Variants in NEGR1 observed in about 807,000 individuals in gnomAD.
NEGR1 encodes the protein IgLON family member 4.
A neutral mutation model predicts 40.9 loss-of-function variants in NEGR1; 10 were observed. The observed-to-expected ratio is 0.24, with a 90% CI of 0.15 to 0.42. The LOEUF (loss-of-function observed/expected upper bound fraction) is 0.42. NEGR1 is among the 10% of genes least tolerant of loss of function. The pLI, the probability that NEGR1 is intolerant of heterozygous loss-of-function variation, is 1.00. For missense variants in NEGR1, 352 were observed against 438.9 expected (o/e 0.80, Z 1.77); for synonymous variants, 185 against 166.8 (o/e 1.11, Z -0.84).
chr1:71,896,610 C>A (rs915268493), intron 2 of NEGR1, among the ~76,000 whole-genome samples: 3 of 152,084 alleles, frequency 2.0e-5, no homozygotes, highest in Non-Finnish European at 2.9e-5. Flanking sequence ...ATCTAAAAAA[C>A]CATTGCCTAA....
chr1:71,554,670 T>C (rs1648197012), intron 6 of NEGR1, among the ~76,000 whole-genome samples: 1 of 151,538 alleles, frequency 6.6e-6, no homozygotes, highest in Non-Finnish European at 1.5e-5. Context: ...CTCTCCTCTT[T>C]TTTCCTGGTG....
chr1:72,061,634 C>G (rs1647175142), intron 1 of NEGR1, among the ~76,000 whole-genome samples: 1 of 151,738 alleles, frequency 6.6e-6, no homozygotes, highest in Admixed American at 6.6e-5. Context: ...CACCAAACAA[C>G]ATGTAGCTGG....
At chr1:71,464,467 A>G (rs943133532) in intron 6 of NEGR1, among the ~76,000 whole-genome samples, 2 of 152,138 alleles carry the variant, frequency 1.3e-5, no homozygotes, top group Non-Finnish European at 2.9e-5. Flanking sequence ...TAATCTAATT[A>G]TAGCTTTATC....
At chr1:72,187,505 T>C (rs1275664058) in intron 1 of NEGR1, among the ~76,000 whole-genome samples, 1 of 151,492 alleles carries the variant, frequency 6.6e-6, no homozygotes, top group African/African-American at 2.4e-5. Flanking sequence ...AACTAATCTA[T>C]TTTGCTGTTT....
At chr1:72,022,327 C>T (rs1321674354) in intron 1 of NEGR1, among the ~76,000 whole-genome samples, 9 of 132,640 alleles carry the variant, frequency 6.8e-5, no homozygotes, top group Non-Finnish European at 1.4e-4. Flanking sequence ...GCAAACAATC[C>T]AGAAGTTTAT....
chr1:72,205,298 C>G (rs1308373403), intron 1 of NEGR1, among the ~76,000 whole-genome samples: 3 of 151,816 alleles, frequency 2.0e-5, no homozygotes, highest in African/African-American at 7.3e-5. Flanking sequence ...ATGGCCACTA[C>G]TTGAAGCTTA....
At chr1:71,656,206 TGG>T (rs1338373648) in intron 4 of NEGR1, among the ~76,000 whole-genome samples, 1 of 152,112 alleles carries the variant, frequency 6.6e-6, no homozygotes, top group African/African-American at 2.4e-5. Flanking sequence ...GACATAAAAA[TGG>T]GGTCATTATC....
chr1:72,220,801 A>G lies in NEGR1; in HGVS notation c.176+61518T>C, dbSNP rs535883774. ...GTAAAATACTCTGAGCACTGAAAGA[A>G]CACACTAAAACTAAAGAATAAGCTT... On this transcript the variant is annotated intron_variant, in intron 1 of 6. Transcript: ENST00000357731. 2.3e-4 allele frequency among the ~76,000 whole-genome samples: 35 copies of G among 152,248 alleles called. No individual in the cohort carries two copies. In the South Asian group the frequency reaches 6.8e-3, roughly 30 times the overall value.
At chr1:71,804,435 T>A (rs1657677823) in intron 2 of NEGR1, among the ~76,000 whole-genome samples, 1 of 150,466 alleles carries the variant, frequency 6.6e-6, no homozygotes, top group South Asian at 2.1e-4. Flanking sequence ...CAGTTTAGGT[T>A]CACATGTGGA....
At chr1:71,756,390 AAAACAAAAAACAAAAAC>A (rs1482045455) in intron 3 of NEGR1, among the ~76,000 whole-genome samples, 4 of 114,880 alleles carry the variant, frequency 3.5e-5, no homozygotes, top group African/African-American at 1.4e-4. Flanking sequence ...ATGCCTCAAA[AAAACAAAAAACAAAAAC>A]AAACAAAAAA....
At chr1:71,833,307 A>G (rs1002087649) in intron 2 of NEGR1, among the ~76,000 whole-genome samples, 2 of 152,104 alleles carry the variant, frequency 1.3e-5, no homozygotes, top group African/African-American at 4.8e-5. Context: ...AGTAAAATAG[A>G]AAAGGATTTT....
chr1:72,206,963 A>C (rs1458734324), intron 1 of NEGR1, among the ~76,000 whole-genome samples: 1 of 151,822 alleles, frequency 6.6e-6, no homozygotes, highest in Non-Finnish European at 1.5e-5. Context: ...ACAAATTTAC[A>C]TAAGAAGGGG....
At chr1:72,260,882 A>G (rs187357578) in intron 1 of NEGR1, among the ~76,000 whole-genome samples, 3 of 152,208 alleles carry the variant, frequency 2.0e-5, no homozygotes, top group Non-Finnish European at 4.4e-5. Flanking sequence ...TTAGTCTAGG[A>G]GCAAAATATA....
At chr1:71,873,118 C>CAAAAAAAAAAAAAAAAAAAAAA (rs34592789) in intron 2 of NEGR1, among the ~76,000 whole-genome samples, 1 of 81,846 alleles carries the variant, frequency 1.2e-5, no homozygotes, top group Non-Finnish European at 2.4e-5. Flanking sequence ...AAAGATGTAG[C>CAAAAAAAAAAAAAAAAAAAAAA]AAAAAAAAAA....
In NEGR1 at chr1:71,400,284, A is replaced by G. The variant is rs968229236; in HGVS notation, c.*7162T>C. 5.3e-5 allele frequency: 8 copies of G among 152,168 alleles called. No homozygotes were observed. The highest frequency in any genetic ancestry group is 2.6e-4 in the Admixed American group (4 of 15,274). The allele number at this position is 152,168 out of a possible 1,614,324, so 9.4% of individuals were successfully genotyped here. ...ACTGGGCTCATTAGCACTAAGTAGGAGCAGAACACTCAGTTCTGGCTATAG... is the reference window on the plus strand; with the variant it reads ...ACTGGGCTCATTAGCACTAAGTAGGGGCAGAACACTCAGTTCTGGCTATAG... On this transcript the variant is annotated 3_prime_UTR_variant, in exon 7 of 7. Coordinates refer to ENST00000357731, the MANE Select transcript of NEGR1 (RefSeq NM_173808.3).
chr1:72,019,719 C>T (rs1646740914), intron 1 of NEGR1, among the ~76,000 whole-genome samples: 1 of 152,158 alleles, frequency 6.6e-6, no homozygotes, highest in South Asian at 2.1e-4. Context: ...TACAATATCA[C>T]ATTTCTTCAT....
chr1:72,250,174 C>T (rs1367701132), intron 1 of NEGR1, among the ~76,000 whole-genome samples: 2 of 152,114 alleles, frequency 1.3e-5, no homozygotes, highest in Non-Finnish European at 2.9e-5. Flanking sequence ...CTTCTCAATA[C>T]TGCAACATAC....
chr1:72,103,423 G>A (rs1486683992), intron 1 of NEGR1, among the ~76,000 whole-genome samples: 1 of 152,036 alleles, frequency 6.6e-6, no homozygotes, highest in African/African-American at 2.4e-5. Context: ...TTTACATTCT[G>A]TCTCCCACCA....
chr1:72,105,555 A>C (rs1318487200), intron 1 of NEGR1, among the ~76,000 whole-genome samples: 1 of 151,980 alleles, frequency 6.6e-6, no homozygotes, highest in African/African-American at 2.4e-5. Context: ...TAAATAAATA[A>C]ATAAATAAAT....
Sources: allele counts gnomAD v4.1 joint callset (sites outside exome capture counted in the v4.1 genomes callset), GRCh38; gene constraint gnomAD v4.1.1; transcripts MANE v1.5; gene names NCBI Gene and HGNC (gene_info 2026-07-23, HGNC 2026-07-21).